The following FSHR variants were observed in gnomAD, a reference collection of about 807,000 sequenced individuals.
FSHR encodes follicle-stimulating hormone receptor.
In FSHR, 46 loss-of-function variants were observed where a neutral mutation model predicts 52.1. The observed-to-expected ratio is 0.88, with a 90% confidence interval of 0.70 to 1.13. FSHR has a LOEUF of 1.13. Among genes scored for constraint, FSHR ranks in the 50% most tolerant of loss-of-function variants. FSHR has a pLI of 0.00. For synonymous variants in FSHR, 399 were observed against 309.6 expected (o/e 1.29, Z -3.03); for missense variants, 964 against 834.6 (o/e 1.16, Z -1.91).
rs1278795860 is a variant in FSHR at position 49,127,753 on chromosome 2, T to C, written c.152+26513A>G. 2.2e-3 allele frequency among the ~76,000 whole-genome samples: 27 copies of C among 12,434 alleles called. 1 individual carries two copies. Among genetic ancestry groups the C allele is most frequent in the South Asian group, 0.01 (3 of 290 alleles). 8.2% of individuals were successfully genotyped at this position (12,434 alleles called of 152,430 possible). On this transcript the variant is annotated intron_variant, in intron 1 of 9. Coordinates refer to ENST00000406846, the MANE Select transcript of FSHR (RefSeq NM_000145.4). ...TTGTGCATGATTTCTTCTTCTTCTT[T>C]CTTCTTCTTCTTCTTCTTCTTCTTC...
chr2:49,131,642 T>C (rs1455041256), intron 1 of FSHR, among the ~76,000 whole-genome samples: 1 of 152,180 alleles, frequency 6.6e-6, no homozygotes, highest in African/African-American at 2.4e-5. Context: ...ATCTTGAATG[T>C]AAAGATCTGA....
At chr2:49,018,358 ATTTGT>A (rs1245990398) in intron 3 of FSHR, among the ~76,000 whole-genome samples, 1 of 152,178 alleles carries the variant, frequency 6.6e-6, no homozygotes, top group Non-Finnish European at 1.5e-5. Flanking sequence ...ATCAATGTGT[ATTTGT>A]AGACATGCTC....
At chr2:48,976,369 G>A (rs760423272) in intron 8 of FSHR, among the ~76,000 whole-genome samples, 43 of 152,150 alleles carry the variant, frequency 2.8e-4, no homozygotes, top group Non-Finnish European at 5.1e-4. Flanking sequence ...TTTTTGATGT[G>A]CTGCTGGATT....
chr2:49,111,330 C>T (rs892008289), intron 1 of FSHR, among the ~76,000 whole-genome samples: 11 of 152,256 alleles, frequency 7.2e-5, no homozygotes, highest in African/African-American at 2.2e-4. Context: ...TGTTTTAATC[C>T]ACTGTCCATT....
chr2:49,029,419 T>A (rs142025766), intron 2 of FSHR, among the ~76,000 whole-genome samples: 32 of 152,202 alleles, frequency 2.1e-4, no homozygotes, highest in African/African-American at 6.7e-4. Flanking sequence ...GGTGTTAAGG[T>A]TAAGAAATTT....
At chr2:48,977,543 C>T (rs1675046709) in intron 8 of FSHR, among the ~76,000 whole-genome samples, 1 of 151,970 alleles carries the variant, frequency 6.6e-6, no homozygotes, top group African/African-American at 2.4e-5. Context: ...CTGTCTCCTC[C>T]CACACTATCA....
chr2:49,126,807 C>T (rs1323285690), intron 1 of FSHR, among the ~76,000 whole-genome samples: 1 of 152,232 alleles, frequency 6.6e-6, no homozygotes, highest in African/African-American at 2.4e-5. Context: ...GGGCTCACTC[C>T]TTGTCCTAGG....
chr2:49,141,525 C>G lies in FSHR; in HGVS notation c.152+12741G>C, dbSNP rs541528288. Among the ~76,000 whole-genome samples, 32 of 152,158 alleles carry G rather than the reference C, an allele frequency of 2.1e-4. No individual in the cohort carries two copies. In the South Asian group the frequency reaches 2.9e-3, roughly 14 times the overall value. ...GTCACTGACTATCAAGAGAACAGCACCAAGCCATGAAGGATCCACCCCAAT... is the reference window on the plus strand; with the variant it reads ...GTCACTGACTATCAAGAGAACAGCAGCAAGCCATGAAGGATCCACCCCAAT... On this transcript the variant is annotated intron_variant, in intron 1 of 9. Transcript: ENST00000406846.
chr2:49,037,829 T>C (rs1464648907), intron 2 of FSHR, among the ~76,000 whole-genome samples: 1 of 151,612 alleles, frequency 6.6e-6, no homozygotes, highest in African/African-American at 2.4e-5. Context: ...TAACAGGAAA[T>C]CCAGAAAGAG....
intron 1 of FSHR, among the ~76,000 whole-genome samples, chr2:49,135,978 T>C (rs369379728): frequency 6.6e-6 from 1 of 151,464 alleles, no homozygotes; most frequent in Admixed American, 6.6e-5. Flanking sequence ...TGGAAGAAAA[T>C]CTACATAAAA....
chr2:48,982,268 G>A (rs1180023891), intron 8 of FSHR, among the ~76,000 whole-genome samples: 1 of 152,088 alleles, frequency 6.6e-6, no homozygotes, highest in African/African-American at 2.4e-5. Flanking sequence ...AAGAGAAGAT[G>A]GGAAAGTCAC....
intron 6 of FSHR, among the ~76,000 whole-genome samples, chr2:48,988,738 C>T (rs1281823546): frequency 1.3e-5 from 2 of 152,132 alleles, no homozygotes; most frequent in African/African-American, 4.8e-5. Context: ...CACAGGAGAT[C>T]ATCATTCAAA....
intron 1 of FSHR, among the ~76,000 whole-genome samples, chr2:49,100,108 C>A (rs545742343): frequency 6.6e-6 from 1 of 152,272 alleles, no homozygotes; most frequent in South Asian, 2.1e-4. Context: ...TCACAACAAA[C>A]CTATTACATA....
intron 2 of FSHR, among the ~76,000 whole-genome samples, chr2:49,028,046 G>C (rs1002604055): frequency 2.0e-5 from 3 of 152,028 alleles, no homozygotes; most frequent in East Asian, 1.9e-4. Context: ...GAAAGGAAAG[G>C]CATGTTGATC....
chr2:49,147,817 C>G (rs749607787), intron 1 of FSHR, among the ~76,000 whole-genome samples: 12 of 151,902 alleles, frequency 7.9e-5, no homozygotes, highest in Middle Eastern at 6.8e-3. Flanking sequence ...CATATCATTT[C>G]TCACAAAAGT....
intron 1 of FSHR, among the ~76,000 whole-genome samples, chr2:49,118,245 G>GGAAAGGAC (rs1481584818): frequency 1.3e-5 from 2 of 152,230 alleles, no homozygotes; most frequent in African/African-American, 4.8e-5. Context: ...GAGGAAAGGA[G>GGAAAGGAC]CAAGGAGGGG....
chr2:49,154,275 G>A lies in FSHR; in HGVS notation c.143C>T (p.Ala48Val), dbSNP rs761927857. The A allele has an allele frequency of 1.9e-6, 3 of 1,613,756 alleles. No individual in the cohort carries two copies. Among genetic ancestry groups the A allele is most frequent in the South Asian group, 2.2e-5 (2 of 91,056 alleles). Residue 48 changes from alanine (A) to valine (V), a missense_variant, in exon 1 of 10, where the codon GCC (alanine) becomes GTC (valine). Transcript: ENST00000406846. ...TCCCTCTGATACTCACAGTTCAATG[G>A]CATTCCTCGGGAGGTCAGAAGGAAT... ...TEIPSDLPRN[A>V]IELRFVLTKL...
intron 1 of FSHR, among the ~76,000 whole-genome samples, chr2:49,072,883 A>G (rs897684145): frequency 5.3e-5 from 8 of 152,202 alleles, no homozygotes; most frequent in Non-Finnish European, 7.4e-5. Context: ...ACCACTTAAC[A>G]TTGTAAACTC....
chr2:48,995,554 T>C (rs1162880930), intron 4 of FSHR, among the ~76,000 whole-genome samples: 1 of 151,978 alleles, frequency 6.6e-6, no homozygotes, highest in Non-Finnish European at 1.5e-5. Context: ...TTAAAGCTAG[T>C]TAAAGAAACA....
Sources: gnomAD v4.1 joint callset for allele counts (sites outside exome capture counted in the v4.1 genomes callset) on GRCh38, gnomAD v4.1.1 for gene constraint, MANE v1.5 for transcripts, NCBI Gene and HGNC (gene_info 2026-07-23, HGNC 2026-07-21) for gene names.